The following PDE1C variants were observed in gnomAD, a reference collection of about 807,000 sequenced individuals.
The protein encoded by PDE1C is phosphodiesterase 1C, also known as dual specificity calcium/calmodulin-dependent 3',5'-cyclic nucleotide phosphodiesterase 1C.
PDE1C carries 62 observed loss-of-function variants against 93.1 expected under a neutral mutation model. The ratio of observed to expected loss-of-function variants is 0.67; its 90% CI spans 0.54 to 0.82. The LOEUF (loss-of-function observed/expected upper bound fraction) is 0.82. Ranked by LOEUF, PDE1C falls within the 40% of genes least tolerant of loss-of-function variation. PDE1C has a pLI of 0.00. For synonymous variants in PDE1C, 325 were observed against 310.1 expected (o/e 1.05, Z -0.50); for missense variants, 742 against 884.6 (o/e 0.84, Z 2.04).
At chr7:32,374,266 A>AG (rs2128088447) in intron 1 of PDE1C, among the ~76,000 whole-genome samples, 1 of 141,058 alleles carries the variant, frequency 7.1e-6, no homozygotes, top group South Asian at 2.2e-4. Context: ...GAAGAAAGAA[A>AG]GAAAGAAAGA....
chr7:31,926,756 G>A (rs545417895), intron 2 of PDE1C, among the ~76,000 whole-genome samples: 18 of 152,296 alleles, frequency 1.2e-4, no homozygotes, highest in African/African-American at 3.8e-4. Flanking sequence ...GTGCTCTCCA[G>A]CCCAGATGCT....
chr7:31,923,189 C>T lies in PDE1C; in HGVS notation c.129-42329G>A, dbSNP rs76862099. On this transcript the variant is annotated intron_variant, in intron 2 of 17. Coordinates refer to ENST00000396191, the MANE Select transcript of PDE1C (RefSeq NM_001191057.4). ...GCTCCAGAATCAATCATTCCAATGGCAGATACTCTAAACTGCTCTTCTGAT... is the reference window on the plus strand; with the variant it reads ...GCTCCAGAATCAATCATTCCAATGGTAGATACTCTAAACTGCTCTTCTGAT... Among the ~76,000 whole-genome samples, 946 of 152,292 alleles carry T rather than the reference C, an allele frequency of 6.2e-3. 11 individuals carry two copies. Among genetic ancestry groups the T allele is most frequent in the African/African-American group, 0.022 (899 of 41,542 alleles).
At chr7:32,038,127 A>G (rs1341374217) in intron 2 of PDE1C, among the ~76,000 whole-genome samples, 1 of 152,150 alleles carries the variant, frequency 6.6e-6, no homozygotes, top group Non-Finnish European at 1.5e-5. Flanking sequence ...TCAAAAGAAT[A>G]ACAGTAGTAG....
chr7:32,045,913 T>C (rs1252497133), intron 2 of PDE1C, among the ~76,000 whole-genome samples: 2 of 152,176 alleles, frequency 1.3e-5, no homozygotes, highest in Non-Finnish European at 2.9e-5. Flanking sequence ...GATGACTTAT[T>C]AGCTATGTCA....
Position 31,796,349 on chromosome 7 carries a change from C to T in PDE1C, c.1891+12682G>A, listed in dbSNP as rs1050594286. Among the ~76,000 whole-genome samples, 4 of 151,328 alleles carry T rather than the reference C, an allele frequency of 2.6e-5. No individual in the cohort carries two copies. The South Asian group carries it at 6.2e-4, about 24-fold the overall frequency. ...TGTGTGTAATTTCAGTTGCTATTTT[C>T]ATACTACAAACATGAATTTCCAGAC... On this transcript the variant is annotated intron_variant, in intron 16 of 17. Coordinates refer to ENST00000396191, the MANE Select transcript of PDE1C (RefSeq NM_001191057.4).
chr7:32,382,225 C>T (rs1784550859), intron 1 of PDE1C, among the ~76,000 whole-genome samples: 1 of 152,130 alleles, frequency 6.6e-6, no homozygotes, highest in African/African-American at 2.4e-5. Context: ...TGAAGCGCCG[C>T]CATCCTGCCT....
At chr7:31,808,700 A>G (rs1165890800) in intron 16 of PDE1C, among the ~76,000 whole-genome samples, 3 of 151,994 alleles carry the variant, frequency 2.0e-5, no homozygotes, top group Admixed American at 6.6e-5. Context: ...TTATAAATAC[A>G]TTAGCAGTAT....
chr7:31,853,210 C>T (rs1055270302), intron 7 of PDE1C, among the ~76,000 whole-genome samples: 1 of 152,080 alleles, frequency 6.6e-6, no homozygotes, highest in Non-Finnish European at 1.5e-5. Flanking sequence ...GTTAAACAGG[C>T]ATTCAACAAC....
chr7:32,118,253 G>C (rs1799097142), intron 3 of PDE1C, among the ~76,000 whole-genome samples: 1 of 152,142 alleles, frequency 6.6e-6, no homozygotes, highest in African/African-American at 2.4e-5. Flanking sequence ...GGTCCCAAAA[G>C]GAACATCTGT....
chr7:32,029,683 A>T (rs1790016124), intron 2 of PDE1C, among the ~76,000 whole-genome samples: 1 of 152,148 alleles, frequency 6.6e-6, no homozygotes, highest in African/African-American at 2.4e-5. Flanking sequence ...GGATTCCCAC[A>T]TTCAATGACT....
chr7:32,007,035 C>G (rs1427982365), intron 2 of PDE1C, among the ~76,000 whole-genome samples: 1 of 152,160 alleles, frequency 6.6e-6, no homozygotes, highest in Non-Finnish European at 1.5e-5. Context: ...CCTATGTCTT[C>G]CAAGATTTAT....
At chr7:32,244,953 T>C (rs1474572944) in intron 1 of PDE1C, among the ~76,000 whole-genome samples, 1 of 151,972 alleles carries the variant, frequency 6.6e-6, no homozygotes, top group East Asian at 1.9e-4. Flanking sequence ...GCTCCCAGAG[T>C]CCCTGGGAAG....
the PDE1C span, among the ~76,000 whole-genome samples, chr7:31,686,437 T>TGA: frequency 5.9e-5 from 9 of 152,200 alleles, no homozygotes; most frequent in East Asian, 1.7e-3. Context: ...CTTTGTTCCT[T>TGA]TGAAGGAGGA....
At chr7:32,110,825 A>T in intron 3 of PDE1C, among the ~76,000 whole-genome samples, 1 of 152,224 alleles carries the variant, frequency 6.6e-6, no homozygotes, top group South Asian at 2.1e-4. Context: ...AATATCTCAC[A>T]TTGAGATACA....
At chr7:31,823,725 G>C (rs1789297050) in intron 13 of PDE1C, among the ~76,000 whole-genome samples, 1 of 152,090 alleles carries the variant, frequency 6.6e-6, no homozygotes, top group Non-Finnish European at 1.5e-5. Flanking sequence ...CAAGTCCAGG[G>C]GAAGTGATAA....
chr7:32,362,684 C>T (rs773415094), intron 1 of PDE1C, among the ~76,000 whole-genome samples: 2 of 152,124 alleles, frequency 1.3e-5, no homozygotes, highest in Admixed American at 6.5e-5. Context: ...TTGTACACAC[C>T]CTCCTCTCCT....
At chr7:32,254,461 C>T (rs1401878896) in intron 1 of PDE1C, among the ~76,000 whole-genome samples, 1 of 152,178 alleles carries the variant, frequency 6.6e-6, no homozygotes, top group South Asian at 2.1e-4. Flanking sequence ...AGGAAAACAA[C>T]CCTCTCCCTT....
chr7:31,668,507 A>G, the PDE1C span, among the ~76,000 whole-genome samples: 279 of 152,176 alleles, frequency 1.8e-3, 2 homozygotes, highest in African/African-American at 6.2e-3. Context: ...AAAAAAAAGG[A>G]AATACTGATA....
At chr7:32,267,597 C>CTG (rs1810694006) in intron 1 of PDE1C, among the ~76,000 whole-genome samples, 1 of 66,282 alleles carries the variant, frequency 1.5e-5, no homozygotes, top group Admixed American at 1.5e-4. Flanking sequence ...CTCTCTCTCT[C>CTG]TCTCTCTCTC....
Sources: allele counts gnomAD v4.1 joint callset (sites outside exome capture counted in the v4.1 genomes callset), GRCh38; gene constraint gnomAD v4.1.1; transcripts MANE v1.5; gene names NCBI Gene and HGNC (gene_info 2026-07-23, HGNC 2026-07-21).